NRG1: variants seen among roughly 807,000 people sequenced by gnomAD.
NRG1 encodes the protein neuregulin 1.
A neutral mutation model predicts 63.8 loss-of-function variants in NRG1; 18 were observed. The ratio of observed to expected loss-of-function variants is 0.28; its 90% CI spans 0.19 to 0.42. The LOEUF is 0.42. Ranked by LOEUF, NRG1 falls within the 10% of genes least tolerant of loss-of-function variation. NRG1 has a pLI of 1.00. For synonymous variants in NRG1, 302 were observed against 301.3 expected, an observed-to-expected ratio of 1.00 and a Z score of -0.02; for missense variants, 762 against 814.7, an observed-to-expected ratio of 0.94 and a Z score of 0.79.
chr8:31,919,489 G>A (rs1174938115), intron 1 of NRG1, among the ~76,000 whole-genome samples: 2 of 151,662 alleles, frequency 1.3e-5, no homozygotes, highest in African/African-American at 2.4e-5. Context: ...ATGTGCAGAG[G>A]TTTAGGTATT....
rs532586489 is a variant in NRG1, at chr8:32,189,501, G to A, written c.38-406327G>A. Among the ~76,000 whole-genome samples the A allele has an allele frequency of 5.3e-5, 8 of 152,256 alleles. No homozygotes were observed. The East Asian group carries it at 1.4e-3, about 26-fold the overall frequency. On this transcript the variant is annotated intron_variant, in intron 1 of 10. Coordinates refer to the NRG1 transcript ENST00000519301. ...CCTGGCTCCACATCTGATTAGTAAT[G>A]TGCAATTGGTAAATTTCTTTAGCCT...
At chr8:32,689,416 T>G (rs1005580234) in intron 5 of NRG1, among the ~76,000 whole-genome samples, 1 of 152,192 alleles carries the variant, frequency 6.6e-6, no homozygotes, top group Non-Finnish European at 1.5e-5. Flanking sequence ...AGATTGCTTC[T>G]AGAACTAAAC....
intron 2 of NRG1, among the ~76,000 whole-genome samples, chr8:32,596,320 C>T (rs4132448): frequency 0.04 from 6,068 of 152,026 alleles, 406 homozygotes; most frequent in African/African-American, 0.14. Context: ...AATTCAATTT[C>T]TTGGCCGGGA....
chr8:32,458,064 C>T (rs1020348298), intron 1 of NRG1, among the ~76,000 whole-genome samples: 7 of 152,070 alleles, frequency 4.6e-5, no homozygotes, highest in African/African-American at 1.7e-4. Flanking sequence ...ACTACAGGCA[C>T]GCACCACCAC....
intron 1 of NRG1, among the ~76,000 whole-genome samples, chr8:32,202,538 C>T (rs149211687): frequency 6.6e-5 from 10 of 152,160 alleles, no homozygotes; most frequent in Non-Finnish European, 1.0e-4. Flanking sequence ...TTTGGGGTTC[C>T]CATACCCAGT....
intron 2 of NRG1, among the ~76,000 whole-genome samples, chr8:32,604,472 T>A (rs1844914042): frequency 6.6e-6 from 1 of 152,182 alleles, no homozygotes; most frequent in Admixed American, 6.5e-5. Flanking sequence ...GGATTACTGT[T>A]GTTTCTTCCT....
intron 1 of NRG1, among the ~76,000 whole-genome samples, chr8:32,485,562 G>A (rs771445708): frequency 6.6e-6 from 1 of 152,038 alleles, no homozygotes; most frequent in Admixed American, 6.5e-5. Flanking sequence ...TATCCCTAAT[G>A]GTAGCTGCAA....
chr8:31,920,620 C>T (rs1258840306), intron 1 of NRG1, among the ~76,000 whole-genome samples: 4 of 152,126 alleles, frequency 2.6e-5, no homozygotes, highest in African/African-American at 7.2e-5. Flanking sequence ...ATCCCAGACT[C>T]TGGTGACAGT....
chr8:32,462,534 C>A (rs1214284693), intron 1 of NRG1, among the ~76,000 whole-genome samples: 1 of 148,056 alleles, frequency 6.8e-6, no homozygotes, highest in Admixed American at 6.8e-5. Context: ...TTTGAATATA[C>A]AATACAATAT....
intron 1 of NRG1, among the ~76,000 whole-genome samples, chr8:31,697,607 G>A (rs1056923898): frequency 1.3e-5 from 2 of 152,202 alleles, no homozygotes; most frequent in Admixed American, 6.5e-5. Flanking sequence ...AAGGGAAGCC[G>A]GGTCAGGAAA....
intron 1 of NRG1, among the ~76,000 whole-genome samples, chr8:32,014,877 C>T (rs1815276245): frequency 6.6e-6 from 1 of 151,974 alleles, no homozygotes; most frequent in South Asian, 2.1e-4. Flanking sequence ...AATCTGAACA[C>T]AGAGACAGAC....
chr8:32,034,181 G>T (rs980703670), intron 1 of NRG1, among the ~76,000 whole-genome samples: 3 of 152,062 alleles, frequency 2.0e-5, no homozygotes, highest in African/African-American at 7.2e-5. Flanking sequence ...TTTTATTGAA[G>T]GCCTTTTCTG....
At chr8:32,108,188 A>G (rs1159765492) in intron 1 of NRG1, among the ~76,000 whole-genome samples, 1 of 152,184 alleles carries the variant, frequency 6.6e-6, no homozygotes, top group Non-Finnish European at 1.5e-5. Flanking sequence ...GCTCTGTAAC[A>G]TGATTAAGGG....
chr8:32,120,976 T>A (rs1457942204), intron 1 of NRG1, among the ~76,000 whole-genome samples: 1 of 152,006 alleles, frequency 6.6e-6, no homozygotes, highest in Non-Finnish European at 1.5e-5. Flanking sequence ...CACACCCACT[T>A]CGCCTGCTGA....
intron 1 of NRG1, among the ~76,000 whole-genome samples, chr8:31,922,258 A>G (rs985202999): frequency 6.6e-6 from 1 of 152,152 alleles, no homozygotes; most frequent in Admixed American, 6.5e-5. Context: ...AGGCAATGGA[A>G]TGAGCTGTAA....
At chr8:32,648,088 C>T in intron 5 of NRG1, 3 of 1,614,136 alleles carry the variant, frequency 1.9e-6, no homozygotes, top group Non-Finnish European at 2.5e-6. Flanking sequence ...CCTATTATTT[C>T]TCTGGACGCA....
chr8:31,812,612 C>T (rs1439034293), intron 1 of NRG1, among the ~76,000 whole-genome samples: 1 of 151,348 alleles, frequency 6.6e-6, no homozygotes, highest in African/African-American at 2.4e-5. Flanking sequence ...ATCTCCTCTC[C>T]TTGCCCATCC....
intron 1 of NRG1, among the ~76,000 whole-genome samples, chr8:32,366,477 C>T (rs1239782523): frequency 6.6e-6 from 1 of 151,932 alleles, no homozygotes; most frequent in East Asian, 1.9e-4. Flanking sequence ...GCTTATTTCA[C>T]TTAACATAAT....
chr8:32,664,807 T>A (rs940576479), intron 5 of NRG1, among the ~76,000 whole-genome samples: 2 of 152,182 alleles, frequency 1.3e-5, no homozygotes, highest in African/African-American at 4.8e-5. Context: ...TTAGCGGTTG[T>A]TAGATTAATG....
Sources: gnomAD v4.1 joint callset for allele counts (sites outside exome capture counted in the v4.1 genomes callset) on GRCh38, gnomAD v4.1.1 for gene constraint, MANE v1.5 for transcripts, NCBI Gene and HGNC (gene_info 2026-07-23, HGNC 2026-07-21) for gene names.